The following ROBO1 variants were observed in gnomAD, a reference collection of about 807,000 sequenced individuals.
ROBO1 encodes the protein roundabout guidance receptor 1.
Under a neutral mutation model 195.9 loss-of-function variants are expected in ROBO1, and 149 were observed. The ratio of observed to expected loss-of-function variants is 0.76; its 90% CI spans 0.67 to 0.87. ROBO1 has a LOEUF of 0.87. Among genes scored for constraint, ROBO1 ranks in the 40% least tolerant of loss-of-function variants. The pLI, the probability that ROBO1 is intolerant of heterozygous loss-of-function variation, is 0.00. For missense variants in ROBO1, 1,933 were observed against 2,068.3 expected, an observed-to-expected ratio of 0.93 and a Z score of 1.27; for synonymous variants, 816 against 733.2, an observed-to-expected ratio of 1.11 and a Z score of -1.82.
chr3:79,053,643 C>T (rs1309522933), intron 3 of ROBO1, among the ~76,000 whole-genome samples: 1 of 151,910 alleles, frequency 6.6e-6, no homozygotes, highest in East Asian at 1.9e-4. Context: ...TAGTAATCAC[C>T]AGTACGCTTC....
chr3:79,518,057 T>C (rs1432006814), intron 2 of ROBO1, among the ~76,000 whole-genome samples: 2 of 152,182 alleles, frequency 1.3e-5, no homozygotes, highest in Admixed American at 1.3e-4. Flanking sequence ...TGCATTGCTG[T>C]CTGAGTGGCC....
At chr3:78,890,181 G>T (rs544752934) in intron 4 of ROBO1, among the ~76,000 whole-genome samples, 1 of 152,218 alleles carries the variant, frequency 6.6e-6, no homozygotes, top group East Asian at 1.9e-4. Context: ...TCAGGATTCA[G>T]AAATTTCATG....
chr3:79,315,447 AG>A, intron 2 of ROBO1, among the ~76,000 whole-genome samples: 1 of 152,344 alleles, frequency 6.6e-6, no homozygotes, highest in Middle Eastern at 3.4e-3. Context: ...GAAGTGGAGT[AG>A]TGAAAATATT....
intron 5 of ROBO1, among the ~76,000 whole-genome samples, chr3:78,724,689 A>C (rs1448007959): frequency 6.6e-6 from 1 of 152,046 alleles, no homozygotes; most frequent in Non-Finnish European, 1.5e-5. Flanking sequence ...CACACACACA[A>C]AAAAAGCAAA....
At chr3:79,049,652 G>A (rs1049828453) in intron 3 of ROBO1, among the ~76,000 whole-genome samples, 1 of 152,036 alleles carries the variant, frequency 6.6e-6, no homozygotes, top group African/African-American at 2.4e-5. Context: ...CAGAGAGAAG[G>A]GTCAGGTTAC....
intron 1 of ROBO1, among the ~76,000 whole-genome samples, chr3:79,767,461 C>G (rs1005350930): frequency 3.9e-5 from 6 of 152,194 alleles, no homozygotes; most frequent in African/African-American, 1.2e-4. Flanking sequence ...CGCAGCCTAC[C>G]TGGAACGGAC....
At chr3:79,423,931 T>C (rs1319593924) in intron 2 of ROBO1, among the ~76,000 whole-genome samples, 1 of 151,918 alleles carries the variant, frequency 6.6e-6, no homozygotes, top group Non-Finnish European at 1.5e-5. Flanking sequence ...TAACATACAG[T>C]TATGTTCATA....
chr3:78,953,720 T>C lies in ROBO1; in HGVS notation c.173-14793A>G, dbSNP rs113929187. 9.1e-4 allele frequency among the ~76,000 whole-genome samples: 138 copies of C among 152,102 alleles called. 1 individual carries two copies. The highest frequency in any genetic ancestry group is 2.9e-3 in the African/African-American group (119 of 41,542). On this transcript the variant is annotated intron_variant, in intron 3 of 30. Coordinates refer to ENST00000464233, the MANE Select transcript of ROBO1 (RefSeq NM_002941.4). ...AGAGACTGGATTCAGATGGTCTGGGTTCAAATCTAGCCTCTGGTACTTCTT... is the reference window on the plus strand; with the variant it reads ...AGAGACTGGATTCAGATGGTCTGGGCTCAAATCTAGCCTCTGGTACTTCTT...
At chr3:79,212,148 G>A (rs1478183582) in intron 2 of ROBO1, among the ~76,000 whole-genome samples, 1 of 152,260 alleles carries the variant, frequency 6.6e-6, no homozygotes, top group East Asian at 1.9e-4. Context: ...TGGGCCAGGT[G>A]TTCCTTGCTC....
chr3:78,926,060 G>A (rs75573601), intron 4 of ROBO1, among the ~76,000 whole-genome samples: 1,580 of 151,948 alleles, frequency 0.01, 14 homozygotes, highest in Non-Finnish European at 0.016. Context: ...TAGGAGAGAT[G>A]GGGTTTCATC....
At chr3:79,557,926 C>A (rs920904765) in intron 2 of ROBO1, among the ~76,000 whole-genome samples, 27 of 151,838 alleles carry the variant, frequency 1.8e-4, no homozygotes, top group African/African-American at 5.8e-4. Context: ...GACTATGGAG[C>A]TCATACATTG....
intron 25 of ROBO1, 28 bp from the exon 26 acceptor site, chr3:78,627,597 C>T (rs1180768815): frequency 2.5e-6 from 4 of 1,579,924 alleles, no homozygotes; most frequent in Admixed American, 1.8e-5. Flanking sequence ...GATGTGTAGA[C>T]TTACTTCAGG....
intron 10 of ROBO1, among the ~76,000 whole-genome samples, chr3:78,674,479 AT>A (rs2107742797): frequency 6.6e-6 from 1 of 152,340 alleles, no homozygotes; most frequent in East Asian, 1.9e-4. Flanking sequence ...ACAGTGTTAA[AT>A]TGTTTTCACA....
At chr3:78,910,200 A>G (rs1050089813) in intron 4 of ROBO1, among the ~76,000 whole-genome samples, 2 of 151,832 alleles carry the variant, frequency 1.3e-5, no homozygotes, top group African/African-American at 4.8e-5. Flanking sequence ...ACTTAGCATT[A>G]TATGTTTCTT....
At chr3:79,135,605 C>A (rs1408832187) in intron 2 of ROBO1, among the ~76,000 whole-genome samples, 3 of 150,912 alleles carry the variant, frequency 2.0e-5, no homozygotes, top group Admixed American at 6.6e-5. Flanking sequence ...AGAGATACAG[C>A]AAATATGACA....
At chr3:78,783,678 G>A (rs1204889217) in intron 4 of ROBO1, among the ~76,000 whole-genome samples, 1 of 151,982 alleles carries the variant, frequency 6.6e-6, no homozygotes, top group Non-Finnish European at 1.5e-5. Context: ...TCTACCTATG[G>A]GAAAACAAAT....
chr3:79,586,369 C>T (rs1024784269), intron 2 of ROBO1, among the ~76,000 whole-genome samples: 1 of 151,740 alleles, frequency 6.6e-6, no homozygotes, highest in East Asian at 1.9e-4. Flanking sequence ...AAGTGGTGGT[C>T]AATGGATGGG....
chr3:79,247,637 T>C (rs6805707), intron 2 of ROBO1, among the ~76,000 whole-genome samples: 3,710 of 152,060 alleles, frequency 0.024, 81 homozygotes, highest in Middle Eastern at 0.037. Context: ...CTGCTGATCA[T>C]AAATAGCCTA....
intron 2 of ROBO1, among the ~76,000 whole-genome samples, chr3:79,392,959 T>G (rs2106720235): frequency 6.6e-6 from 1 of 152,284 alleles, no homozygotes; most frequent in African/African-American, 2.4e-5. Context: ...TAGTCAAATC[T>G]GGAAAAGTCT....
Sources: allele counts gnomAD v4.1 joint callset (sites outside exome capture counted in the v4.1 genomes callset), GRCh38; gene constraint gnomAD v4.1.1; transcripts MANE v1.5; gene names NCBI Gene and HGNC (gene_info 2026-07-23, HGNC 2026-07-21).